The following TRAK2 variants were observed in gnomAD, a reference collection of about 807,000 sequenced individuals.
TRAK2 encodes trafficking kinesin protein 2.
TRAK2 carries 81 observed loss-of-function variants against 104.6 expected under a neutral mutation model. The observed-to-expected ratio is 0.77, with a 90% CI of 0.65 to 0.93. The LOEUF is 0.93. Among genes scored for constraint, TRAK2 ranks in the 40% least tolerant of loss-of-function variants. The pLI, the probability that TRAK2 is intolerant of heterozygous loss-of-function variation, is 0.00. For synonymous variants in TRAK2, 406 were observed against 394.4 expected (o/e 1.03, Z -0.35); for missense variants, 1,002 against 1,089.0 (o/e 0.92, Z 1.12).
intron 4 of TRAK2, among the ~76,000 whole-genome samples, chr2:201,399,923 TA>T (rs1214994574): frequency 6.6e-6 from 1 of 152,070 alleles, no homozygotes; most frequent in Non-Finnish European, 1.5e-5. Context: ...ATTAGGTATT[TA>T]AGATATGGAT....
In TRAK2 at chr2:201,380,478, A is replaced by G; in HGVS notation, c.*65T>C. ...TTTCTCTCAAGTCAGACCAGACCAC[A>G]TGTTTCAGTGCATATCTATCCTTCA... On this transcript the variant is annotated 3_prime_UTR_variant, in exon 16 of 16. Coordinates refer to ENST00000332624, the MANE Select transcript of TRAK2 (RefSeq NM_015049.3). 1 of 1,487,376 alleles carries G rather than the reference A, an allele frequency of 6.7e-7. No individual in the cohort carries two copies. The highest frequency in any genetic ancestry group is 9.2e-7 in the Non-Finnish European group (1 of 1,085,578). 92.1% of individuals were successfully genotyped at this position (1,487,376 alleles called of 1,614,324 possible). A position where few individuals can be genotyped will look rare whatever the true frequency, so the allele number is the denominator to read the frequency against.
Position 201,398,159 on chromosome 2 carries a change from C to T in TRAK2, c.676G>A (p.Ala226Thr). 6.2e-7 allele frequency: 1 copy of T among 1,613,494 alleles called. No homozygotes were observed. Among genetic ancestry groups the T allele is most frequent in the Non-Finnish European group, 8.5e-7 (1 of 1,179,554 alleles). ...KLKELEEENMALRSKACHIKT... is the reference protein window; with the variant it reads ...KLKELEEENMTLRSKACHIKT... ...GTTGAACGTACCTTGGATCGAAGAG[C>T]CATATTCTCTTCTTCCAGTTCCTTG... The change falls in exon 6 of 16, where the codon GCT (alanine) becomes ACT (threonine). Residue 226 changes from alanine (A) to threonine (T), a missense_variant. By Grantham distance (58) the Ala-to-Thr change is moderately conservative (BLOSUM62 0). Transcript: ENST00000332624.
chr2:201,405,780 C>G (rs1051334545), intron 3 of TRAK2, among the ~76,000 whole-genome samples: 1 of 152,132 alleles, frequency 6.6e-6, no homozygotes, highest in Non-Finnish European at 1.5e-5. Flanking sequence ...ATCAGGAGTT[C>G]GAGACCAGCC....
intron 13 of TRAK2, among the ~76,000 whole-genome samples, chr2:201,387,068 A>G (rs539848181): frequency 6.6e-6 from 1 of 152,354 alleles, no homozygotes; most frequent in East Asian, 1.9e-4. Flanking sequence ...ACTGATCATT[A>G]ATGAATACAA....
Position 201,410,840 on chromosome 2 carries a change from G to T in TRAK2, c.92-3243C>A. ...AGGGCAGACATATCTGTGGGTCTTT[G>T]TTGGGTTGGCTTCGCACCAGCAGGA... On this transcript the variant is annotated intron_variant, in intron 2 of 15. Coordinates refer to ENST00000332624, the MANE Select transcript of TRAK2 (RefSeq NM_015049.3). 10 of 1,605,288 alleles carry T rather than the reference G, an allele frequency of 6.2e-6. No homozygotes were observed. In the South Asian group the frequency reaches 1.1e-4, roughly 18 times the overall value.
rs748106218 is a variant in TRAK2 at position 201,380,676 on chromosome 2, G to A, written c.2612C>T (p.Ala871Val). The stretch of plus-strand genomic sequence containing the variant: ...ACTGCTACCTGAATTTAAATAAACA[G>A]CAGAATCTGGTTTTTGAGGACCAAT... Reference protein sequence around the residue: ...AEIGPQKPDSAVYLNSGSSLL... With the variant: ...AEIGPQKPDSVVYLNSGSSLL... Residue 871 changes from alanine (A) to valine (V), a missense_variant, in exon 16 of 16, where the codon GCT becomes GTT. By Grantham distance (64) the Ala-to-Val change is moderately conservative. Coordinates refer to ENST00000332624, the MANE Select transcript of TRAK2 (RefSeq NM_015049.3). The A allele has an allele frequency of 8.1e-6, 13 of 1,613,920 alleles. No individual in the cohort carries two copies. In the Admixed American group the frequency reaches 1.3e-4, roughly 17 times the overall value.
chr2:201,411,266 T>C (rs1951644388), intron 2 of TRAK2: 3 of 740,926 alleles, frequency 4.0e-6, no homozygotes, highest in Admixed American at 1.9e-5. Flanking sequence ...CCTGCTCTTG[T>C]TCTCTTGCTA....
chr2:201,391,353 G>A (rs1269750250), intron 10 of TRAK2, among the ~76,000 whole-genome samples: 1 of 152,108 alleles, frequency 6.6e-6, no homozygotes, highest in Non-Finnish European at 1.5e-5. Context: ...AATGGGACAG[G>A]AATGCACTAA....
At chr2:201,400,944 G>A in intron 4 of TRAK2, 74 bp downstream of exon 4, 3 of 1,199,008 alleles carry the variant, frequency 2.5e-6, no homozygotes, top group South Asian at 1.3e-5. Flanking sequence ...TCCATTTGAT[G>A]TGCAAATTTG....
intron 1 of TRAK2, among the ~76,000 whole-genome samples, chr2:201,427,329 G>A (rs530452306): frequency 5.3e-5 from 3 of 56,876 alleles, no homozygotes; most frequent in Admixed American, 2.2e-4. Flanking sequence ...CCCCCTCCCC[G>A]CACCCCAAAA....
intron 1 of TRAK2, among the ~76,000 whole-genome samples, chr2:201,450,397 G>C (rs945980025): frequency 6.6e-6 from 1 of 151,724 alleles, no homozygotes; most frequent in Admixed American, 6.6e-5. Flanking sequence ...CCTGGCGACA[G>C]AGCGAGACTC....
intron 9 of TRAK2, among the ~76,000 whole-genome samples, chr2:201,393,436 T>A (rs1951466397): frequency 6.6e-6 from 1 of 152,158 alleles, no homozygotes; most frequent in African/African-American, 2.4e-5. Context: ...AGTGACAAGA[T>A]CAAGAGCCTA....
In TRAK2 at chr2:201,420,425, C is replaced by A. The variant is rs758308661; in HGVS notation, c.83G>T (p.Ser28Ile). 6.2e-6 allele frequency: 10 copies of A among 1,613,616 alleles called. No homozygotes were observed. The highest frequency in any genetic ancestry group is 5.9e-6 in the Non-Finnish European group (7 of 1,179,742). ...LMNSNHRDSE[S>I]ITDVCSNEDL... Reference sequence around the variant, plus strand: ...TATTAAACTGGACTTACCAGTGATGCTCTCCGAGTCTCTGTGATTGCTATT... The same window carrying A: ...TATTAAACTGGACTTACCAGTGATGATCTCCGAGTCTCTGTGATTGCTATT... The change falls in exon 2 of 16, where the codon AGC (serine) becomes ATC (isoleucine). Residue 28 changes from serine (S) to isoleucine (I), a missense_variant. Ser to Ile is a moderately radical substitution (Grantham distance 142, BLOSUM62 -2). Coordinates refer to ENST00000332624, the MANE Select transcript of TRAK2 (RefSeq NM_015049.3).
Position 201,388,041 on chromosome 2 carries a change from C to G in TRAK2, c.1398-40G>C, listed in dbSNP as rs756125443. 6.9e-6 allele frequency: 11 copies of G among 1,597,076 alleles called. No individual in the cohort carries two copies. The South Asian group carries it at 1.2e-4, about 18-fold the overall frequency. On this transcript the variant is annotated intron_variant, in intron 12 of 15. Coordinates refer to ENST00000332624, the MANE Select transcript of TRAK2 (RefSeq NM_015049.3). ...CGTTCACTGATTAGATCTTGAGGAT[C>G]ATCAGCATGACCCAGACCTCTCCTT...
At chr2:201,450,363 C>A (rs1180060524) in intron 1 of TRAK2, among the ~76,000 whole-genome samples, 1 of 151,706 alleles carries the variant, frequency 6.6e-6, no homozygotes, top group Non-Finnish European at 1.5e-5. Context: ...TGCAGTGAGC[C>A]GAGATCACCC....
intron 1 of TRAK2, among the ~76,000 whole-genome samples, chr2:201,450,944 A>C (rs549032292): frequency 6.6e-6 from 1 of 152,346 alleles, no homozygotes; most frequent in Middle Eastern, 3.4e-3. Context: ...TATTTGACCC[A>C]GAAAGAGCTC....
intron 14 of TRAK2, among the ~76,000 whole-genome samples, chr2:201,384,716 T>C (rs1320803748): frequency 1.3e-5 from 2 of 152,242 alleles, no homozygotes; most frequent in Non-Finnish European, 2.9e-5. Context: ...CAAGTTGTAC[T>C]AGTCTTCTTT....
In TRAK2 at chr2:201,377,994, G is replaced by A. The variant is rs1951303991; in HGVS notation, c.*2549C>T. 1 of 152,322 alleles carries A rather than the reference G, an allele frequency of 6.6e-6. No individual in the cohort carries two copies. Among genetic ancestry groups the A allele is most frequent in the East Asian group, 1.9e-4 (1 of 5,200 alleles). 9.4% of individuals were successfully genotyped at this position (152,322 alleles called of 1,614,324 possible). Reference sequence around the variant, plus strand: ...CAAAACATAACAGATAAATTGGGAGGAATCAGCTATTAGGCTCCAATTCTT... The same window carrying A: ...CAAAACATAACAGATAAATTGGGAGAAATCAGCTATTAGGCTCCAATTCTT... On this transcript the variant is annotated 3_prime_UTR_variant, in exon 16 of 16. Coordinates refer to ENST00000332624, the MANE Select transcript of TRAK2 (RefSeq NM_015049.3).
intron 1 of TRAK2, among the ~76,000 whole-genome samples, chr2:201,443,798 C>A (rs1367639665): frequency 1.3e-5 from 2 of 152,162 alleles, no homozygotes; most frequent in Admixed American, 6.5e-5. Context: ...AGACTATGAA[C>A]CAACAAACCT....
Sources: gnomAD v4.1 joint callset for allele counts (sites outside exome capture counted in the v4.1 genomes callset) on GRCh38, gnomAD v4.1.1 for gene constraint, MANE v1.5 for transcripts, NCBI Gene and HGNC (gene_info 2026-07-23, HGNC 2026-07-21) for gene names.